SORCS1: variants seen among roughly 807,000 people sequenced by gnomAD.
The protein encoded by SORCS1 is VPS10 domain-containing receptor SorCS1.
SORCS1 carries 60 observed loss-of-function variants against 146.1 expected under a neutral mutation model. That is an observed-to-expected ratio of 0.41 (90% CI 0.33 to 0.51). SORCS1 has a LOEUF of 0.51. Ranked by LOEUF, SORCS1 falls within the 20% of genes least tolerant of loss-of-function variation. SORCS1 has a pLI of 0.21. For synonymous variants in SORCS1, 637 were observed against 584.0 expected (o/e 1.09, Z -1.31); for missense variants, 1,352 against 1,487.6 (o/e 0.91, Z 1.50).
intron 18 of SORCS1, among the ~76,000 whole-genome samples, chr10:106,635,098 G>A (rs1248459466): frequency 6.6e-6 from 1 of 152,154 alleles, no homozygotes; most frequent in Non-Finnish European, 1.5e-5. Context: ...ATGGCCACCA[G>A]GAAGCCAATA....
At chr10:107,102,651 C>T (rs920463259) in intron 1 of SORCS1, among the ~76,000 whole-genome samples, 1 of 152,076 alleles carries the variant, frequency 6.6e-6, no homozygotes, top group African/African-American at 2.4e-5. Context: ...CTTACAAAAC[C>T]AGAAGACTCT....
chr10:106,702,889 G>A (rs1015886221), intron 8 of SORCS1, among the ~76,000 whole-genome samples: 8 of 152,110 alleles, frequency 5.3e-5, no homozygotes, highest in East Asian at 1.9e-4. Context: ...TCCATAGGAC[G>A]ACAATGTTGT....
intron 5 of SORCS1, among the ~76,000 whole-genome samples, chr10:106,744,247 G>A (rs1173406546): frequency 6.6e-6 from 1 of 152,158 alleles, no homozygotes; most frequent in African/African-American, 2.4e-5. Context: ...TGGGACTACA[G>A]GCGCCCGCCA....
At chr10:106,913,783 C>T (rs1346153315) in intron 2 of SORCS1, among the ~76,000 whole-genome samples, 1 of 152,202 alleles carries the variant, frequency 6.6e-6, no homozygotes, top group Admixed American at 6.5e-5. Context: ...CCAGAGCAGG[C>T]CACTCAAATC....
intron 18 of SORCS1, among the ~76,000 whole-genome samples, chr10:106,649,239 A>C (rs1357716731): frequency 4.6e-5 from 7 of 152,102 alleles, no homozygotes; most frequent in Non-Finnish European, 7.4e-5. Context: ...AGACCGCAAA[A>C]CAGAAAGAGC....
intron 1 of SORCS1, among the ~76,000 whole-genome samples, chr10:107,037,935 T>C (rs1046053482): frequency 1.8e-4 from 28 of 152,256 alleles, no homozygotes; most frequent in African/African-American, 5.8e-4. Context: ...CAAGCGATTC[T>C]TGTGCCTCAG....
intron 17 of SORCS1, among the ~76,000 whole-genome samples, chr10:106,655,966 C>T (rs1229064022): frequency 2.0e-5 from 3 of 152,194 alleles, no homozygotes; most frequent in East Asian, 1.9e-4. Flanking sequence ...GACCTGCGCT[C>T]TGAATATTAC....
chr10:106,861,553 G>C (rs1014815087), intron 2 of SORCS1, among the ~76,000 whole-genome samples: 3 of 152,108 alleles, frequency 2.0e-5, no homozygotes, highest in African/African-American at 7.2e-5. Context: ...ACATATAGCA[G>C]TGACAATGGA....
At chr10:107,146,130 A>C (rs1364216690) in intron 1 of SORCS1, among the ~76,000 whole-genome samples, 4 of 152,194 alleles carry the variant, frequency 2.6e-5, no homozygotes, top group African/African-American at 9.7e-5. Flanking sequence ...TTCAGGTATA[A>C]GTATAGCTTA....
chr10:106,995,535 A>T, intron 1 of SORCS1, among the ~76,000 whole-genome samples: 1 of 152,162 alleles, frequency 6.6e-6, no homozygotes, highest in East Asian at 1.9e-4. Flanking sequence ...GTATGGGGAA[A>T]AAAACGTCCT....
intron 21 of SORCS1, among the ~76,000 whole-genome samples, chr10:106,612,714 C>G (rs1315641274): frequency 1.3e-5 from 2 of 152,118 alleles, no homozygotes; most frequent in African/African-American, 4.8e-5. Context: ...TGCCAGCAGG[C>G]TCTAAGAGCC....
intron 1 of SORCS1, among the ~76,000 whole-genome samples, chr10:106,967,684 T>C (rs1019689467): frequency 6.6e-6 from 1 of 152,170 alleles, no homozygotes; most frequent in Non-Finnish European, 1.5e-5. Flanking sequence ...CCCATTGTTT[T>C]ATAGTTAAAG....
At chr10:107,077,405 C>T (rs1156614863) in intron 1 of SORCS1, among the ~76,000 whole-genome samples, 2 of 151,742 alleles carry the variant, frequency 1.3e-5, no homozygotes, top group African/African-American at 4.8e-5. Flanking sequence ...ACTGCTACTA[C>T]TTACCTATCA....
chr10:107,072,117 G>A (rs930281895), intron 1 of SORCS1, among the ~76,000 whole-genome samples: 8 of 152,184 alleles, frequency 5.3e-5, no homozygotes, highest in South Asian at 2.1e-4. Flanking sequence ...TGCGTTGCTG[G>A]GATGAAGCTC....
intron 1 of SORCS1, among the ~76,000 whole-genome samples, chr10:107,036,161 A>G (rs1248791910): frequency 6.6e-6 from 1 of 151,978 alleles, no homozygotes; most frequent in African/African-American, 2.4e-5. Flanking sequence ...CACTTTGGTC[A>G]TAAGAAATGT....
intron 5 of SORCS1, among the ~76,000 whole-genome samples, chr10:106,737,450 G>C (rs931679925): frequency 1.3e-5 from 2 of 151,976 alleles, no homozygotes; most frequent in African/African-American, 4.8e-5. Flanking sequence ...TTTAAAGAGG[G>C]GGGTGGTGCA....
At chr10:106,818,806 C>T (rs753914067) in intron 3 of SORCS1, among the ~76,000 whole-genome samples, 29 of 152,136 alleles carry the variant, frequency 1.9e-4, no homozygotes, top group Non-Finnish European at 4.0e-4. Context: ...GTACATACAC[C>T]GAAAGACTGT....
At chr10:107,092,475 A>G (rs1326736989) in intron 1 of SORCS1, among the ~76,000 whole-genome samples, 1 of 152,208 alleles carries the variant, frequency 6.6e-6, no homozygotes, top group African/African-American at 2.4e-5. Flanking sequence ...TGCTGAATGC[A>G]TGACAGCTAG....
chr10:107,155,783 G>T (rs1035875408), intron 1 of SORCS1, among the ~76,000 whole-genome samples: 1 of 151,886 alleles, frequency 6.6e-6, no homozygotes, highest in African/African-American at 2.4e-5. Context: ...CTCTGGTTAG[G>T]GAAAGATGAC....
Sources: gnomAD v4.1 joint callset for allele counts (sites outside exome capture counted in the v4.1 genomes callset) on GRCh38, gnomAD v4.1.1 for gene constraint, MANE v1.5 for transcripts, NCBI Gene and HGNC (gene_info 2026-07-23, HGNC 2026-07-21) for gene names.